Variants in NRXN3 observed in about 807,000 individuals in gnomAD.
The protein encoded by NRXN3 is neurexin III.
NRXN3 carries 32 observed loss-of-function variants against 137.6 expected under a neutral mutation model. The ratio of observed to expected loss-of-function variants is 0.23; its 90% CI spans 0.18 to 0.31. The LOEUF is 0.31. NRXN3 is among the 10% of genes least tolerant of loss of function. The pLI, the probability that NRXN3 is intolerant of heterozygous loss-of-function variation, is 1.00. For missense variants in NRXN3, 1,574 were observed against 2,062.5 expected (o/e 0.76, Z 4.59); for synonymous variants, 798 against 784.5 (o/e 1.02, Z -0.29).
rs114118617 is a variant in NRXN3 at position 78,638,208 on chromosome 14, C to T, written c.758-6912C>T. Among the ~76,000 whole-genome samples, 590 of 152,262 alleles carry T rather than the reference C, an allele frequency of 3.9e-3. 5 individuals carry two copies. The highest frequency in any genetic ancestry group is 0.013 in the African/African-American group (539 of 41,534). ...CTATTTATTTCTCTGCTGCATCTTT[C>T]CTACGGAGAGTCTGAGGATAAGGGT... is the stretch of plus-strand genomic sequence containing the variant. On this transcript the variant is annotated intron_variant, in intron 4 of 20. Coordinates refer to ENST00000335750, the MANE Select transcript of NRXN3 (RefSeq NM_001330195.2).
intron 4 of NRXN3, among the ~76,000 whole-genome samples, chr14:78,497,384 C>T (rs1026475701): frequency 1.3e-5 from 2 of 152,090 alleles, no homozygotes; most frequent in Non-Finnish European, 2.9e-5. Context: ...CCATGATCCT[C>T]TTAAAGAATG....
chr14:78,695,252 T>C (rs1238827992), intron 6 of NRXN3: 1 of 152,026 alleles, frequency 6.6e-6, no homozygotes, highest in African/African-American at 2.4e-5. Flanking sequence ...TAGTCTCACC[T>C]CAAGATCCCT....
At chr14:79,149,022 A>G (rs773858877) in intron 15 of NRXN3, among the ~76,000 whole-genome samples, 1 of 152,144 alleles carries the variant, frequency 6.6e-6, no homozygotes, top group Non-Finnish European at 1.5e-5. Context: ...ATTCTCCTCA[A>G]TATGTTCCCT....
chr14:79,479,736 T>C (rs2096590517), intron 16 of NRXN3, among the ~76,000 whole-genome samples: 1 of 152,086 alleles, frequency 6.6e-6, no homozygotes, highest in Admixed American at 6.6e-5. Context: ...AGTATTTGTT[T>C]TTCTCAATGA....
chr14:78,769,111 ATTAGGATAAACTCAGATT>A (rs2098718661), intron 8 of NRXN3, among the ~76,000 whole-genome samples: 3 of 152,192 alleles, frequency 2.0e-5, no homozygotes, highest in African/African-American at 7.2e-5. Context: ...GAGTTACCTT[ATTAGGATAAACTCAGATT>A]ATGGTTCAAA....
intron 19 of NRXN3, 65 bp downstream of exon 19, chr14:79,698,002 C>A: frequency 2.1e-6 from 3 of 1,423,280 alleles, no homozygotes; most frequent in South Asian, 2.5e-5. Flanking sequence ...TTATCATGGT[C>A]ATTGCTTTAT....
chr14:79,763,030 C>G (rs1035816807), intron 19 of NRXN3, among the ~76,000 whole-genome samples: 1 of 151,164 alleles, frequency 6.6e-6, no homozygotes, highest in African/African-American at 2.5e-5. Context: ...CCTCCCACCC[C>G]CTGACAGGCC....
chr14:78,992,723 C>A (rs1444587989), intron 15 of NRXN3, among the ~76,000 whole-genome samples: 1 of 152,120 alleles, frequency 6.6e-6, no homozygotes, highest in African/African-American at 2.4e-5. Flanking sequence ...ACATTTCATA[C>A]CTATCCTTAA....
chr14:78,214,877 C>G (rs563390135), intron 1 of NRXN3, among the ~76,000 whole-genome samples: 1 of 152,110 alleles, frequency 6.6e-6, no homozygotes, highest in Non-Finnish European at 1.5e-5. Flanking sequence ...TGCGTGGTCA[C>G]GGAGCATGAG....
chr14:79,585,802 A>G (rs2097761643), intron 16 of NRXN3, among the ~76,000 whole-genome samples: 2 of 152,066 alleles, frequency 1.3e-5, no homozygotes, highest in South Asian at 4.1e-4. Flanking sequence ...ACTTGATAAC[A>G]CAACCTGGAT....
chr14:78,596,673 C>T (rs1369692795), intron 4 of NRXN3, among the ~76,000 whole-genome samples: 1 of 152,132 alleles, frequency 6.6e-6, no homozygotes, highest in Non-Finnish European at 1.5e-5. Flanking sequence ...CTCAAGAGGT[C>T]ATGCGGTAGA....
chr14:78,632,490 C>T (rs571433259), intron 4 of NRXN3, among the ~76,000 whole-genome samples: 62 of 152,080 alleles, frequency 4.1e-4, no homozygotes, highest in African/African-American at 1.4e-3. Flanking sequence ...GATACACAAA[C>T]CTAAATAGGA....
chr14:79,430,645 G>T (rs1190730078), intron 15 of NRXN3, among the ~76,000 whole-genome samples: 1 of 152,150 alleles, frequency 6.6e-6, no homozygotes, highest in African/African-American at 2.4e-5. Context: ...TCATTAGCAA[G>T]ATTTGGTTCT....
chr14:79,380,560 G>T (rs1314240105), intron 15 of NRXN3, among the ~76,000 whole-genome samples: 2 of 152,102 alleles, frequency 1.3e-5, no homozygotes, highest in Non-Finnish European at 2.9e-5. Context: ...GTATTCCATG[G>T]TGTATATGTG....
chr14:79,831,062 TATTAGA>T (rs2099321794), intron 20 of NRXN3, among the ~76,000 whole-genome samples: 2 of 134,568 alleles, frequency 1.5e-5, no homozygotes, highest in Non-Finnish European at 3.4e-5. Flanking sequence ...TCGACAGTCC[TATTAGA>T]GATAGAGACC....
intron 1 of NRXN3, among the ~76,000 whole-genome samples, chr14:78,187,268 T>G (rs35953945): frequency 0.22 from 20,553 of 91,494 alleles, 1,513 homozygotes; most frequent in South Asian, 0.31. Context: ...TGTGTGTGTT[T>G]TTTTTTTTTT....
At chr14:78,698,323 C>T (rs1465551584) in intron 6 of NRXN3, 1 of 152,048 alleles carries the variant, frequency 6.6e-6, no homozygotes, top group East Asian at 1.9e-4. Context: ...ACAGTATTTT[C>T]TATGACTCTT....
intron 4 of NRXN3, among the ~76,000 whole-genome samples, chr14:78,431,662 A>C (rs190089894): frequency 6.6e-6 from 1 of 152,272 alleles, no homozygotes. Context: ...TCTGAAAAAA[A>C]AATTATGTGT....
intron 8 of NRXN3, among the ~76,000 whole-genome samples, chr14:78,795,751 T>G (rs2098819619): frequency 6.6e-6 from 1 of 152,216 alleles, no homozygotes. Flanking sequence ...AGACCTTCTC[T>G]GTGAAACAAT....
Sources: allele counts gnomAD v4.1 joint callset (sites outside exome capture counted in the v4.1 genomes callset), GRCh38; gene constraint gnomAD v4.1.1; transcripts MANE v1.5; gene names NCBI Gene and HGNC (gene_info 2026-07-23, HGNC 2026-07-21).